Variants in KCNQ1 observed in about 807,000 individuals in gnomAD.
KCNQ1 encodes potassium voltage-gated channel subfamily Q member 1.
A neutral mutation model predicts 72.4 loss-of-function variants in KCNQ1; 49 were observed. The observed-to-expected ratio is 0.68, with a 90% CI of 0.54 to 0.86. The LOEUF (loss-of-function observed/expected upper bound fraction) is 0.86, where lower values mean the gene tolerates loss of function less well. KCNQ1 is among the 40% of genes least tolerant of loss of function. The pLI is 0.00. For synonymous variants in KCNQ1, 450 were observed against 412.6 expected (o/e 1.09, Z -1.10); for missense variants, 790 against 945.1 (o/e 0.84, Z 2.15).
At position 2,683,134 on chromosome 11, in the gene KCNQ1, T is replaced by G; in HGVS notation, c.1514+21053T>G. 2.5e-6 allele frequency: 1 copy of G among 398,376 alleles called. No homozygotes were observed. Among genetic ancestry groups the G allele is most frequent in the Non-Finnish European group, 4.4e-6 (1 of 226,038 alleles). The allele number at this position is 398,376 out of a possible 1,614,324, so 24.7% of individuals were successfully genotyped here. A position where few individuals can be genotyped will look rare whatever the true frequency, so the allele number is the denominator to read the frequency against. ...TATATCGCACCAACTCAGGAGGGTG[T>G]GGGGATGGGCTAGCATTAGGAATGG... On this transcript the variant is annotated intron_variant, in intron 11 of 15. Transcript: ENST00000155840. The surrounding 1 kb of genome is among the most constrained non-coding windows in gnomAD (Gnocchi z 4.7).
At chr11:2,525,790 G>C (rs2133644691) in intron 1 of KCNQ1, among the ~76,000 whole-genome samples, 1 of 152,174 alleles carries the variant, frequency 6.6e-6, no homozygotes, top group African/African-American at 2.4e-5. Flanking sequence ...ATGGTGGTGG[G>C]GATGAAGCAG....
chr11:2,521,832 G>C (rs897182548), intron 1 of KCNQ1, among the ~76,000 whole-genome samples: 1 of 152,240 alleles, frequency 6.6e-6, no homozygotes, highest in Admixed American at 6.5e-5. Context: ...GGGTCACCTG[G>C]ATCAACCAGG....
At position 2,620,224 on chromosome 11, in the gene KCNQ1, ATTTT is replaced by A; in HGVS notation, c.1393+31377_1393+31380del. 2 of 225,824 alleles carry A rather than the reference ATTTT, an allele frequency of 8.9e-6. No homozygotes were observed. The highest frequency in any genetic ancestry group is 2.0e-4 in the South Asian group (1 of 5,076). 14.0% of individuals were successfully genotyped at this position (225,824 alleles called of 1,614,324 possible). A position where few individuals can be genotyped will look rare whatever the true frequency, so the allele number is the denominator to read the frequency against. On this transcript the variant is annotated intron_variant, in intron 10 of 15. Transcript: ENST00000155840. This position sits in a 1 kb window ranked among gnomAD's most constrained non-coding sequence, Gnocchi z 4.5. ...GTATATATATATATTTTTTTTTTTT[ATTTT>A]TTTTTTAGACGGAGTTTCGCTCTTG...
At chr11:2,733,931 C>G (rs186147441) in intron 11 of KCNQ1, among the ~76,000 whole-genome samples, 2 of 150,984 alleles carry the variant, frequency 1.3e-5, no homozygotes, top group Admixed American at 6.6e-5. Flanking sequence ...AACATGCACA[C>G]GCTCTCCTCT....
intron 11 of KCNQ1, chr11:2,665,111 C>T (rs1287361878): frequency 5.0e-6 from 2 of 398,618 alleles, no homozygotes; most frequent in Non-Finnish European, 8.8e-6. Flanking sequence ...GGCGTCGCTG[C>T]ACCCCAGCCT....
intron 11 of KCNQ1, chr11:2,675,443 A>G (rs1850276762): frequency 2.5e-6 from 1 of 398,546 alleles, no homozygotes; most frequent in Non-Finnish European, 4.4e-6. Context: ...AAAATAAAAG[A>G]TGATCTGAAA....
rs546328175 is a variant in KCNQ1 at position 2,720,808 on chromosome 11, T to C, written c.1515-48036T>C. On this transcript the variant is annotated intron_variant, in intron 11 of 15. Coordinates refer to ENST00000155840, the MANE Select transcript of KCNQ1 (RefSeq NM_000218.3). This position sits in a 1 kb window ranked among gnomAD's most constrained non-coding sequence, Gnocchi z 5.1. ...GTGCCCTTGGATCATTTGGGGCAAA[T>C]GGTCCTCGTTTTCTTCATTATATGG... 3.9e-5 allele frequency among the ~76,000 whole-genome samples: 6 copies of C among 152,234 alleles called. No individual in the cohort carries two copies. The East Asian group carries it at 1.2e-3, about 29-fold the overall frequency.
At chr11:2,523,710 G>A (rs1326995465) in intron 1 of KCNQ1, among the ~76,000 whole-genome samples, 1 of 149,842 alleles carries the variant, frequency 6.7e-6, no homozygotes, top group African/African-American at 2.5e-5. Flanking sequence ...GGAGCTGCAG[G>A]TAATTCTGTT....
chr11:2,777,991 G>A lies in KCNQ1; in HGVS notation c.1748G>A (p.Arg583His), dbSNP rs199473482. 45 of 1,613,672 alleles carry A rather than the reference G, an allele frequency of 2.8e-5. No homozygotes were observed. Among genetic ancestry groups the A allele is most frequent in the Non-Finnish European group, 3.6e-5 (42 of 1,180,012 alleles). Residue 583 changes from arginine to histidine, a missense_variant, in exon 15 of 16, where the codon CGC (arginine) becomes CAC (histidine). This residue lies in a region of KCNQ1 where 91 missense variants were observed against 139.1 expected (regional missense o/e 0.65). Transcript: ENST00000155840. The part of the protein sequence containing the change: ...FISVSEKSKD[R>H]GSNTIGARLN... ...TCCCCCATAGAAAAGAGCAAGGATC[G>A]CGGCAGCAACACGATCGGCGCCCGC... is the stretch of plus-strand genomic sequence containing the variant.
At chr11:2,736,153 C>T (rs1413870812) in intron 11 of KCNQ1, among the ~76,000 whole-genome samples, 2 of 152,194 alleles carry the variant, frequency 1.3e-5, no homozygotes, top group Non-Finnish European at 1.5e-5. Flanking sequence ...GGAAGGGGCC[C>T]AGGCTTCCTG....
At chr11:2,707,871 T>A (rs1200015875) in intron 11 of KCNQ1, among the ~76,000 whole-genome samples, 2 of 152,180 alleles carry the variant, frequency 1.3e-5, no homozygotes, top group Non-Finnish European at 2.9e-5. Flanking sequence ...CAGAGGCAGC[T>A]CCTTTCATGG....
rs183228547 is a variant in KCNQ1 at position 2,621,158 on chromosome 11, A to G, written c.1393+32304A>G. ...ATACCTGGCTAATTTTTGTGTTTTT[A>G]GTAGAGACGGGGTTTCACCATGTTG... On this transcript the variant is annotated intron_variant, in intron 10 of 15. Coordinates refer to ENST00000155840, the MANE Select transcript of KCNQ1 (RefSeq NM_000218.3). This position sits in a 1 kb window ranked among gnomAD's most constrained non-coding sequence, Gnocchi z 5.7. 171 of 397,110 alleles carry G rather than the reference A, an allele frequency of 4.3e-4. 1 individual carries two copies. The highest frequency in any genetic ancestry group is 3.4e-3 in the African/African-American group (164 of 48,646). 24.6% of individuals were successfully genotyped at this position (397,110 alleles called of 1,614,324 possible).
rs866283220 is a variant in KCNQ1 at position 2,458,901 on chromosome 11, C to G, written c.386+13417C>G. 5.8e-4 allele frequency among the ~76,000 whole-genome samples: 89 copies of G among 152,244 alleles called. No homozygotes were observed. Among genetic ancestry groups the G allele is most frequent in the African/African-American group, 2.0e-3 (84 of 41,470 alleles). ...AGAATCACCTATCCACCAATTGTGA[C>G]ATATGGCCTTAGTTAGGTCCTCAAT... is the stretch of plus-strand genomic sequence containing the variant. On this transcript the variant is annotated intron_variant, in intron 1 of 15. Coordinates refer to ENST00000155840, the MANE Select transcript of KCNQ1 (RefSeq NM_000218.3). This position sits in a 1 kb window ranked among gnomAD's most constrained non-coding sequence, Gnocchi z 4.6.
rs1286330189 is a variant in KCNQ1, at chr11:2,620,365, C to A, written c.1393+31511C>A. ...CTGAGTAGCTGGGATTAGAGGCATG[C>A]GCCACCACGTCCAGCTAATTTTGTA... On this transcript the variant is annotated intron_variant, in intron 10 of 15. Transcript: ENST00000155840. The surrounding 1 kb of genome is among the most constrained non-coding windows in gnomAD (Gnocchi z 4.5). 3 of 205,216 alleles carry A rather than the reference C, an allele frequency of 1.5e-5. No individual in the cohort carries two copies. The highest frequency in any genetic ancestry group is 9.6e-6 in the Non-Finnish European group (1 of 104,662). 12.7% of individuals were successfully genotyped at this position (205,216 alleles called of 1,614,324 possible).
intron 10 of KCNQ1, chr11:2,660,078 G>A (rs967775354): frequency 6.3e-5 from 25 of 398,182 alleles, no homozygotes; most frequent in African/African-American, 1.4e-4. Context: ...TTTCTCTTAC[G>A]AGTTAAACTT....
At chr11:2,472,424 G>C (rs1846499259) in intron 1 of KCNQ1, among the ~76,000 whole-genome samples, 2 of 152,088 alleles carry the variant, frequency 1.3e-5, no homozygotes, top group Admixed American at 1.3e-4. Flanking sequence ...ATGGGTGTGT[G>C]TGTGTATGCA....
At position 2,734,921 on chromosome 11, in the gene KCNQ1, T is replaced by A. The variant is rs78745834; in HGVS notation, c.1515-33923T>A. The stretch of plus-strand genomic sequence containing the variant: ...AGAGGTGATGTCTCCAGGAGGCTTC[T>A]GGGCCAGCAGCATGTTCCAGTGCGA... On this transcript the variant is annotated intron_variant, in intron 11 of 15. Transcript: ENST00000155840. This position sits in a 1 kb window ranked among gnomAD's most constrained non-coding sequence, Gnocchi z 7.0. Among the ~76,000 whole-genome samples the A allele has an allele frequency of 6.9e-3, 1,044 of 151,876 alleles. 3 individuals carry two copies. The highest frequency in any genetic ancestry group is 0.011 in the Non-Finnish European group (759 of 67,914).
rs752849482 is a variant in KCNQ1, at chr11:2,848,561, C to A, written c.*558C>A. The stretch of plus-strand genomic sequence containing the variant: ...CTCTCAGGAAATGCTGACCCATGGG[C>A]AGGAGACTGTGGAGACTGCTCCTGA... On this transcript the variant is annotated 3_prime_UTR_variant, in exon 16 of 16. Coordinates refer to ENST00000155840, the MANE Select transcript of KCNQ1 (RefSeq NM_000218.3). 4.4e-6 allele frequency: 2 copies of A among 454,264 alleles called. No individual in the cohort carries two copies. Among genetic ancestry groups the A allele is most frequent in the South Asian group, 3.1e-5 (2 of 64,480 alleles). 28.1% of individuals were successfully genotyped at this position (454,264 alleles called of 1,614,324 possible).
chr11:2,684,129 T>C (rs1411509844), intron 11 of KCNQ1: 3 of 398,488 alleles, frequency 7.5e-6, no homozygotes, highest in Non-Finnish European at 1.3e-5. Context: ...AAGGGGACCG[T>C]TTCCCTTGAA....
Sources: allele counts gnomAD v4.1 joint callset (sites outside exome capture counted in the v4.1 genomes callset), GRCh38; gene constraint gnomAD v4.1.1; regional missense constraint gnomAD v4.1.1; non-coding constraint Gnocchi (gnomAD v3.1); transcripts MANE v1.5; gene names NCBI Gene and HGNC (gene_info 2026-07-23, HGNC 2026-07-21).